The following DPF3 variants were observed in gnomAD, a reference collection of about 807,000 sequenced individuals.
DPF3 encodes the protein double PHD fingers 3, also known as zinc finger protein DPF3.
DPF3 carries 18 observed loss-of-function variants against 56.8 expected under a neutral mutation model. The observed-to-expected ratio is 0.32, with a 90% confidence interval of 0.22 to 0.47. The LOEUF (loss-of-function observed/expected upper bound fraction) is 0.47. Ranked by LOEUF, DPF3 falls within the 20% of genes least tolerant of loss-of-function variation. The probability of loss-of-function intolerance (pLI) is 1.00; values close to 1 mark genes in which losing one functional copy is unlikely to be tolerated. For missense variants in DPF3, 403 were observed against 488.8 expected (o/e 0.82, Z 1.65); for synonymous variants, 188 against 180.2 (o/e 1.04, Z -0.35).
At chr14:72,867,737 G>T (rs879822665) in intron 1 of DPF3, among the ~76,000 whole-genome samples, 2 of 152,022 alleles carry the variant, frequency 1.3e-5, no homozygotes, top group Non-Finnish European at 2.9e-5. Flanking sequence ...CAATAAGTTT[G>T]TTTTTTGTTT....
chr14:72,838,149 C>T (rs532172697), intron 1 of DPF3, among the ~76,000 whole-genome samples: 1 of 152,252 alleles, frequency 6.6e-6, no homozygotes, highest in African/African-American at 2.4e-5. Context: ...CCAGTCAAGT[C>T]GACTTTCACA....
intron 3 of DPF3, among the ~76,000 whole-genome samples, chr14:72,738,135 G>A (rs1245510802): frequency 6.6e-6 from 1 of 152,148 alleles, no homozygotes; most frequent in African/African-American, 2.4e-5. Context: ...ACCTCACAGG[G>A]GAAGAGACTG....
chr14:72,750,758 G>A (rs992833129), intron 3 of DPF3, among the ~76,000 whole-genome samples: 4 of 129,910 alleles, frequency 3.1e-5, no homozygotes, highest in Non-Finnish European at 6.2e-5. Context: ...TTTAATTCCT[G>A]GTGCATGCAT....
chr14:72,816,802 C>G (rs373814973), intron 1 of DPF3, among the ~76,000 whole-genome samples: 2 of 152,266 alleles, frequency 1.3e-5, no homozygotes, highest in South Asian at 2.1e-4. Flanking sequence ...CTTGAAAAGC[C>G]AGTTTCTCCT....
At chr14:72,775,281 T>C (rs1344026305) in intron 1 of DPF3, among the ~76,000 whole-genome samples, 1 of 152,222 alleles carries the variant, frequency 6.6e-6, no homozygotes, top group Non-Finnish European at 1.5e-5. Flanking sequence ...CTACTGGAGA[T>C]GATCACTTTC....
chr14:72,756,933 G>GAAAGAAAGAA (rs1567223087), intron 2 of DPF3, among the ~76,000 whole-genome samples: 4 of 39,252 alleles, frequency 1.0e-4, no homozygotes, highest in South Asian at 1.9e-3. Flanking sequence ...AAAGAAAGAA[G>GAAAGAAAGAA]AGAAGAGAAG....
chr14:72,715,416 T>C (rs1323883150), intron 5 of DPF3, among the ~76,000 whole-genome samples: 1 of 152,126 alleles, frequency 6.6e-6, no homozygotes, highest in African/African-American at 2.4e-5. Context: ...CCTCTCCAGG[T>C]CATTCTTTGG....
chr14:72,633,556 T>C (rs1329121727), intron 8 of DPF3, among the ~76,000 whole-genome samples: 2 of 148,688 alleles, frequency 1.3e-5, no homozygotes, highest in African/African-American at 5.0e-5. Flanking sequence ...AAAGAAGAGG[T>C]TTCAAGAAGG....
intron 6 of DPF3, among the ~76,000 whole-genome samples, chr14:72,706,877 C>A (rs1035273290): frequency 1.3e-5 from 2 of 151,374 alleles, no homozygotes; most frequent in African/African-American, 4.9e-5. Context: ...GTACAATGTG[C>A]AGGTTAGTTA....
intron 8 of DPF3, chr14:72,670,995 G>C (rs986837922): frequency 4.2e-6 from 6 of 1,433,034 alleles, no homozygotes; most frequent in Non-Finnish European, 5.5e-6. Flanking sequence ...GGAGGGACAC[G>C]TGGGAGGTGA....
intron 6 of DPF3, among the ~76,000 whole-genome samples, chr14:72,708,104 C>G (rs901879989): frequency 2.0e-5 from 3 of 152,034 alleles, no homozygotes; most frequent in African/African-American, 7.2e-5. Context: ...GAAAATAACT[C>G]CAGAGGGTGT....
At chr14:72,815,154 T>C (rs1228675071) in intron 1 of DPF3, among the ~76,000 whole-genome samples, 1 of 152,148 alleles carries the variant, frequency 6.6e-6, no homozygotes, top group Non-Finnish European at 1.5e-5. Context: ...AATGACTCCA[T>C]TTCTTTTAAG....
intron 1 of DPF3, among the ~76,000 whole-genome samples, chr14:72,889,043 A>C (rs1198609328): frequency 6.6e-6 from 1 of 152,224 alleles, no homozygotes. Context: ...GATGGCTCTG[A>C]AACAGCTTTA....
At chr14:72,764,490 T>G (rs1050233836) in intron 2 of DPF3, among the ~76,000 whole-genome samples, 7 of 116,236 alleles carry the variant, frequency 6.0e-5, no homozygotes, top group South Asian at 6.5e-4. Context: ...AGTTGTTTTT[T>G]TTTTTTTTTT....
chr14:72,791,129 C>T (rs1304333499), intron 1 of DPF3, among the ~76,000 whole-genome samples: 1 of 152,196 alleles, frequency 6.6e-6, no homozygotes, highest in Non-Finnish European at 1.5e-5. Context: ...ACCTTCCCCA[C>T]TCCCCCGACC....
At chr14:72,702,895 G>GAA (rs145662125) in intron 6 of DPF3, among the ~76,000 whole-genome samples, 4,421 of 152,228 alleles carry the variant, frequency 0.029, 243 homozygotes, top group African/African-American at 0.1. Context: ...CCCTGCCCTT[G>GAA]AAGTTCGAGG....
intron 7 of DPF3, among the ~76,000 whole-genome samples, chr14:72,682,879 C>T (rs950846130): frequency 1.3e-5 from 2 of 152,224 alleles, no homozygotes; most frequent in African/African-American, 4.8e-5. Flanking sequence ...AAGGCTGCCC[C>T]TTCAATTTGA....
At chr14:72,715,640 G>GCA (rs1888886002) in intron 5 of DPF3, among the ~76,000 whole-genome samples, 1 of 151,788 alleles carries the variant, frequency 6.6e-6, no homozygotes, top group Non-Finnish European at 1.5e-5. Context: ...CACACTCTGT[G>GCA]CACACACACA....
intron 8 of DPF3, among the ~76,000 whole-genome samples, chr14:72,649,982 G>A (rs192362180): frequency 1.3e-5 from 2 of 152,332 alleles, no homozygotes; most frequent in Middle Eastern, 3.4e-3. Context: ...AGGAGGCCGA[G>A]CGGCTGATGA....
Sources: gnomAD v4.1 joint callset for allele counts (sites outside exome capture counted in the v4.1 genomes callset) on GRCh38, gnomAD v4.1.1 for gene constraint, MANE v1.5 for transcripts, NCBI Gene and HGNC (gene_info 2026-07-23, HGNC 2026-07-21) for gene names.